TBX5: variants seen among roughly 807,000 people sequenced by gnomAD.
TBX5 encodes the protein T-box transcription factor TBX5.
A neutral mutation model predicts 51.1 loss-of-function variants in TBX5; 8 were observed. The ratio of observed to expected loss-of-function variants is 0.16; its 90% CI spans 0.09 to 0.28. The LOEUF (loss-of-function observed/expected upper bound fraction) is 0.28. TBX5 is among the 10% of genes least tolerant of loss of function. TBX5 has a pLI of 1.00. For synonymous variants in TBX5, 302 were observed against 266.4 expected (o/e 1.13, Z -1.30); for missense variants, 589 against 671.7 (o/e 0.88, Z 1.36).
intron 4 of TBX5, 32 bp from the exon 5 acceptor site, chr12:114,398,752 G>C: frequency 6.3e-7 from 1 of 1,584,134 alleles, no homozygotes; most frequent in Non-Finnish European, 8.6e-7. Flanking sequence ...TAGAGGCCTG[G>C]CTCAGAGTCT....
chr12:114,385,627 C>G (rs1323291632), intron 6 of TBX5, 60 bp from the exon 7 acceptor site: 2 of 1,349,688 alleles, frequency 1.5e-6, no homozygotes, highest in African/African-American at 1.4e-5. Context: ...AAGACCACCT[C>G]AGGACATGAG....
chr12:114,392,358 A>C (rs1425757219), intron 6 of TBX5, among the ~76,000 whole-genome samples: 1 of 152,168 alleles, frequency 6.6e-6, no homozygotes, highest in Non-Finnish European at 1.5e-5. Context: ...ATATATATAC[A>C]CATGAAGCTT....
At chr12:114,365,209 GA>G (rs200044998) in intron 8 of TBX5, among the ~76,000 whole-genome samples, 5,762 of 135,726 alleles carry the variant, frequency 0.042, 427 homozygotes, top group East Asian at 0.36. Context: ...TTTTGATCAG[GA>G]AAAAAAAAAA....
chr12:114,396,162 G>A (rs976082023), intron 5 of TBX5, among the ~76,000 whole-genome samples: 1 of 152,016 alleles, frequency 6.6e-6, no homozygotes, highest in African/African-American at 2.4e-5. Context: ...GGGGGCGGGG[G>A]AGGGACGAGG....
rs778117002 is a variant in TBX5, at chr12:114,398,711, C to T, written c.372G>A (p.Thr124=). The change falls in exon 5 of 9, where the codon ACG becomes ACA. Residue 124 remains threonine (T), a synonymous_variant. Transcript: ENST00000405440. ...CAGGCATGGCGGGCTCAGCTTTGCC[C>T]GTCACAGACCTAGATGAAGGAGAGG... ...YKFADNKWSV[T]GKAEPAMPGR... is the part of the protein sequence containing the mutation. 11 of 1,600,782 alleles carry T rather than the reference C, an allele frequency of 6.9e-6. No individual in the cohort carries two copies. The highest frequency in any genetic ancestry group is 9.4e-6 in the Non-Finnish European group (11 of 1,173,848).
chr12:114,404,147 A>T (rs111555728), intron 1 of TBX5, among the ~76,000 whole-genome samples: 1 of 152,158 alleles, frequency 6.6e-6, no homozygotes, highest in Non-Finnish European at 1.5e-5. Flanking sequence ...ATTACTTTAT[A>T]AGCAGGCACA....
intron 7 of TBX5, among the ~76,000 whole-genome samples, chr12:114,384,045 G>T (rs1870658976): frequency 2.0e-5 from 3 of 152,160 alleles, no homozygotes; most frequent in Non-Finnish European, 2.9e-5. Context: ...CATGATATTT[G>T]TTGTCATCTT....
In TBX5 at chr12:114,370,293, A is replaced by AAAAGAAAAGAAAAC. The variant is rs1565929429; in HGVS notation, c.756-3903_756-3902insGTTTTCTTTTCTTT. On this transcript the variant is annotated intron_variant, in intron 7 of 8. Coordinates refer to ENST00000405440, the MANE Select transcript of TBX5 (RefSeq NM_181486.4). ...GAAAAGAAAAGAAAAGAAAAGAAAGAAAAGAAAAGAAAAGAAAAGAAAGAA... is the reference window on the plus strand; with the variant it reads ...GAAAAGAAAAGAAAAGAAAAGAAAGAAAAGAAAAGAAAACAAAGAAAAGAAAAGAAAAGAAAGAA... Among the ~76,000 whole-genome samples the AAAAGAAAAGAAAAC allele has an allele frequency of 9.1e-3, 1,168 of 128,776 alleles. 101 individuals are homozygous for AAAAGAAAAGAAAAC. Among genetic ancestry groups the AAAAGAAAAGAAAAC allele is most frequent in the African/African-American group, 0.033 (1,103 of 33,812 alleles). The allele number at this position is 128,776 out of a possible 152,430, so 84.5% of individuals were successfully genotyped here.
chr12:114,391,849 TGACTGG>T (rs1871158058), intron 6 of TBX5, among the ~76,000 whole-genome samples: 1 of 152,152 alleles, frequency 6.6e-6, no homozygotes, highest in Non-Finnish European at 1.5e-5. Context: ...GCCCTGCACT[TGACTGG>T]GAAAGTGCAC....
chr12:114,407,390 C>G (rs1872297498), upstream of TBX5, among the ~76,000 whole-genome samples: 1 of 152,214 alleles, frequency 6.6e-6, no homozygotes, highest in Non-Finnish European at 1.5e-5. Flanking sequence ...ACACGAAAAA[C>G]AAACATGGCA....
At chr12:114,371,610 G>A (rs939368651) in intron 7 of TBX5, among the ~76,000 whole-genome samples, 2 of 140,516 alleles carry the variant, frequency 1.4e-5, no homozygotes, top group African/African-American at 5.3e-5. Flanking sequence ...TTTTTTTCCT[G>A]GTGATCCTTA....
chr12:114,359,473 T>C (rs1869116252), intron 8 of TBX5, among the ~76,000 whole-genome samples: 1 of 152,176 alleles, frequency 6.6e-6, no homozygotes, highest in Non-Finnish European at 1.5e-5. Context: ...TACTTAAGTA[T>C]CAAGTCTTCT....
chr12:114,401,214 C>A (rs575687171), intron 3 of TBX5, among the ~76,000 whole-genome samples: 1 of 152,288 alleles, frequency 6.6e-6, no homozygotes, highest in East Asian at 1.9e-4. Flanking sequence ...AGTGTCTTGG[C>A]GAAGCTGCCG....
chr12:114,365,895 T>G (rs1045034851), intron 8 of TBX5, among the ~76,000 whole-genome samples: 4 of 151,410 alleles, frequency 2.6e-5, no homozygotes, highest in African/African-American at 9.7e-5. Flanking sequence ...ACTCGCCACG[T>G]GTATGTGTGC....
At chr12:114,379,340 T>C (rs1339720748) in intron 7 of TBX5, among the ~76,000 whole-genome samples, 1 of 152,194 alleles carries the variant, frequency 6.6e-6, no homozygotes, top group Non-Finnish European at 1.5e-5. Context: ...ATTGCAACTG[T>C]AGGGAACTTG....
At chr12:114,360,135 C>T (rs1434806029) in intron 8 of TBX5, among the ~76,000 whole-genome samples, 1 of 152,158 alleles carries the variant, frequency 6.6e-6, no homozygotes, top group Non-Finnish European at 1.5e-5. Flanking sequence ...GCGAGTCTTC[C>T]CAGACAGAGA....
intron 8 of TBX5, among the ~76,000 whole-genome samples, chr12:114,364,813 C>T (rs1443636897): frequency 6.6e-6 from 1 of 152,152 alleles, no homozygotes; most frequent in Non-Finnish European, 1.5e-5. Context: ...GAAACTGAGG[C>T]TAGGAGAGGC....
intron 8 of TBX5, 43 bp downstream of exon 8, chr12:114,366,122 A>C: frequency 6.3e-7 from 1 of 1,590,030 alleles, no homozygotes; most frequent in South Asian, 1.1e-5. Context: ...GGAAAGGAAA[A>C]GGTAAGAAAG....
chr12:114,358,839 T>C (rs1199926050), intron 8 of TBX5, among the ~76,000 whole-genome samples: 1 of 152,080 alleles, frequency 6.6e-6, no homozygotes, highest in Non-Finnish European at 1.5e-5. Context: ...ATACTCAGCT[T>C]CTTTTTGTCC....
Sources: gnomAD v4.1 joint callset for allele counts (sites outside exome capture counted in the v4.1 genomes callset) on GRCh38, gnomAD v4.1.1 for gene constraint, MANE v1.5 for transcripts, NCBI Gene and HGNC (gene_info 2026-07-23, HGNC 2026-07-21) for gene names.